SAXO4: variants seen among roughly 807,000 people sequenced by gnomAD.
The protein encoded by SAXO4 is protein phosphatase 1 regulatory subunit 32.
the SAXO4 span, chr11:61,482,951 C>A: frequency 1.1e-6 from 1 of 873,842 alleles, no homozygotes; most frequent in Non-Finnish European, 1.7e-6. Flanking sequence ...TCTTTCTCCC[C>A]TTTGTCCTCA....
chr11:61,486,840 G>A, the SAXO4 span: 1 of 993,104 alleles, frequency 1.0e-6, no homozygotes, highest in Non-Finnish European at 1.6e-6. Context: ...GGTCGCTGGG[G>A]CTGTGGACAG....
the SAXO4 span, chr11:61,487,316 C>G: frequency 7.9e-7 from 1 of 1,260,886 alleles, no homozygotes; most frequent in Admixed American, 1.7e-5. Flanking sequence ...AATGAGCTCA[C>G]AGCCTCGTGG....
At chr11:61,482,022 A>G in the SAXO4 span, 2 of 822,208 alleles carry the variant, frequency 2.4e-6, no homozygotes, top group Non-Finnish European at 3.9e-6. Context: ...CTGCAGAGCA[A>G]CTGCTGAATC....
the SAXO4 span, chr11:61,485,401 G>A: frequency 6.2e-7 from 1 of 1,613,368 alleles, no homozygotes; most frequent in Non-Finnish European, 8.5e-7. Flanking sequence ...AGACCAGCCA[G>A]GTAGGCCCTG....
At chr11:61,490,719 C>G in the SAXO4 span, 1 of 739,096 alleles carries the variant, frequency 1.4e-6, no homozygotes, top group South Asian at 1.6e-5. Flanking sequence ...GGTGACAGAT[C>G]AGGGGGCCTC....
chr11:61,489,873 CA>C, the SAXO4 span: 1 of 1,613,970 alleles, frequency 6.2e-7, no homozygotes, highest in Non-Finnish European at 8.5e-7. Context: ...CGCCCTCAGC[CA>C]GCCGGTCAGC....
chr11:61,481,903 T>A, the SAXO4 span: 1 of 1,581,930 alleles, frequency 6.3e-7, no homozygotes, highest in Non-Finnish European at 8.5e-7. Context: ...CGCCACCAGC[T>A]ACTGCACCGC....
chr11:61,486,223 A>G, the SAXO4 span: 8 of 1,036,332 alleles, frequency 7.7e-6, no homozygotes, highest in Non-Finnish European at 2.9e-6. Context: ...AGTGATGCCC[A>G]TTTGAGCTGA....
chr11:61,490,521 C>G, the SAXO4 span: 1 of 1,614,152 alleles, frequency 6.2e-7, no homozygotes, highest in South Asian at 1.1e-5. Context: ...TCAGCTGACC[C>G]CTTCTACCAG....
chr11:61,484,974 A>G, the SAXO4 span, among the ~76,000 whole-genome samples: 5 of 152,172 alleles, frequency 3.3e-5, no homozygotes, highest in East Asian at 1.9e-4. Flanking sequence ...AGGATTTGAT[A>G]TTGGCTATTT....
At chr11:61,486,002 G>A in the SAXO4 span, 3 of 904,544 alleles carry the variant, frequency 3.3e-6, no homozygotes, top group South Asian at 4.8e-5. Context: ...GTGAGCTGCA[G>A]AGCCCTTTGT....
At chr11:61,487,323 G>T in the SAXO4 span, 2 of 1,194,192 alleles carry the variant, frequency 1.7e-6, no homozygotes, top group Non-Finnish European at 1.2e-6. Flanking sequence ...TCACAGCCTC[G>T]TGGAGAAGAT....
chr11:61,489,898 C>T, the SAXO4 span: 1 of 1,613,706 alleles, frequency 6.2e-7, no homozygotes, highest in Non-Finnish European at 8.5e-7. Flanking sequence ...ATGGAGGCCA[C>T]CCCCAACCCC....
chr11:61,485,926 CT>C, the SAXO4 span: 5 of 1,580,354 alleles, frequency 3.2e-6, no homozygotes, highest in African/African-American at 6.7e-5. Context: ...GTCGGCTGGG[CT>C]CCTGCTAGAA....
At chr11:61,489,396 C>A in the SAXO4 span, 3 of 479,930 alleles carry the variant, frequency 6.3e-6, no homozygotes, top group Non-Finnish European at 1.1e-5. Flanking sequence ...GGTGGGACCC[C>A]CTTCTTACTT....
At chr11:61,489,970 C>A in the SAXO4 span, 4 of 1,594,176 alleles carry the variant, frequency 2.5e-6, no homozygotes, top group Non-Finnish European at 3.4e-6. Context: ...CAGCTCTGTT[C>A]TTTCTCCCTA....
the SAXO4 span, among the ~76,000 whole-genome samples, chr11:61,490,212 A>G: frequency 6.6e-6 from 1 of 152,172 alleles, no homozygotes; most frequent in African/African-American, 2.4e-5. Context: ...GGATCTGAGC[A>G]AGGGGCTCTG....
chr11:61,486,284 A>C, the SAXO4 span: 1 of 1,580,302 alleles, frequency 6.3e-7, no homozygotes. Context: ...AGTGGGTGGG[A>C]GCCACCAGGG....
the SAXO4 span, chr11:61,486,281 G>A: frequency 6.4e-7 from 1 of 1,569,542 alleles, no homozygotes; most frequent in East Asian, 2.2e-5. Flanking sequence ...CAGAGTGGGT[G>A]GGAGCCACCA....
Sources: allele counts gnomAD v4.1 joint callset (sites outside exome capture counted in the v4.1 genomes callset), GRCh38; gene constraint gnomAD v4.1.1; transcripts MANE v1.5; gene names NCBI Gene and HGNC (gene_info 2026-07-23, HGNC 2026-07-21).